The following ITGB6 variants were observed in gnomAD, a reference collection of about 807,000 sequenced individuals.
ITGB6 encodes the protein integrin beta-6.
Under a neutral mutation model 84.5 loss-of-function variants are expected in ITGB6, and 80 were observed. The ratio of observed to expected loss-of-function variants is 0.95; its 90% CI spans 0.79 to 1.14. ITGB6 has a LOEUF of 1.14. Ranked by LOEUF, ITGB6 falls within the 50% of genes most tolerant of loss-of-function variation. ITGB6 has a pLI of 0.00. For synonymous variants in ITGB6, 383 were observed against 354.9 expected (o/e 1.08, Z -0.89); for missense variants, 1,006 against 968.0 (o/e 1.04, Z -0.52).
At chr2:160,185,884 C>A (rs868696939) in intron 4 of ITGB6, among the ~76,000 whole-genome samples, 1 of 152,178 alleles carries the variant, frequency 6.6e-6, no homozygotes, top group African/African-American at 2.4e-5. Flanking sequence ...GGATTCCCTA[C>A]TTAATAAATG....
intron 1 of ITGB6, 73 bp downstream of exon 1, chr2:160,199,930 C>A: frequency 1.8e-6 from 2 of 1,131,026 alleles, no homozygotes; most frequent in South Asian, 1.3e-5. Flanking sequence ...GACTTCAGAT[C>A]TAGTTTCTGA....
chr2:160,173,808 T>C (rs902979979), intron 5 of ITGB6, among the ~76,000 whole-genome samples, 166 bp downstream of exon 5: 8 of 152,202 alleles, frequency 5.3e-5, no homozygotes, highest in Non-Finnish European at 8.8e-5. Context: ...CATTTCAACA[T>C]GATTTAATTA....
At chr2:160,178,450 A>C (rs1204644327) in intron 4 of ITGB6, among the ~76,000 whole-genome samples, 1 of 152,198 alleles carries the variant, frequency 6.6e-6, no homozygotes, top group African/African-American at 2.4e-5. Context: ...TTTTTGTGAG[A>C]GATTTGCATC....
intron 7 of ITGB6, among the ~76,000 whole-genome samples, chr2:160,163,082 C>T (rs1313427410): frequency 6.6e-6 from 1 of 152,160 alleles, no homozygotes; most frequent in Non-Finnish European, 1.5e-5. Flanking sequence ...TGACCCAATG[C>T]ATAGTGTTCC....
intron 7 of ITGB6, among the ~76,000 whole-genome samples, chr2:160,144,167 T>C (rs1202270512): frequency 3.3e-5 from 5 of 152,122 alleles, no homozygotes; most frequent in Non-Finnish European, 7.4e-5. Flanking sequence ...CCTTCCAAAG[T>C]GTTGGGATTA....
chr2:160,169,242 A>G lies in ITGB6; in HGVS notation c.987T>C (p.Ala329=). The G allele has an allele frequency of 1.2e-6, 2 of 1,604,274 alleles. No homozygotes were observed. The highest frequency in any genetic ancestry group is 2.2e-5 in the East Asian group (1 of 44,720). The part of the protein sequence containing the change: ...LVQNNVLLIF[A]VTQEQVHLYE... ...ATAAATGAACTTGTTCTTGGGTTAC[A>G]GCGAAGATCAATAACACGTTGTTTT... The change falls in exon 7 of 15, where the codon GCT becomes GCC. Residue 329 remains alanine (A), a synonymous_variant. Transcript: ENST00000283249.
chr2:160,129,006 G>A (rs1404801805), intron 10 of ITGB6, among the ~76,000 whole-genome samples: 1 of 152,046 alleles, frequency 6.6e-6, no homozygotes, highest in Non-Finnish European at 1.5e-5. Flanking sequence ...AGGGCAAGCA[G>A]GTAGAGTGAG....
rs139531879 is a variant in ITGB6 at position 160,122,628 on chromosome 2, G to A, written c.1981+1163C>T. On this transcript the variant is annotated intron_variant, in intron 12 of 14. Transcript: ENST00000283249. ...CTCGCCTTTGGTAGTAATGTAAGGC[G>A]CACACCATTTTGTCCAATTTACTGC... is the stretch of plus-strand genomic sequence containing the variant. Among the ~76,000 whole-genome samples the A allele has an allele frequency of 3.5e-4, 53 of 152,222 alleles. No individual in the cohort carries two copies. In the East Asian group the frequency reaches 4.4e-3, roughly 13 times the overall value.
rs889943302 is a variant in ITGB6 at position 160,146,481 on chromosome 2, T to C, written c.1018-4410A>G. On this transcript the variant is annotated intron_variant, in intron 7 of 14. Coordinates refer to ENST00000283249, the MANE Select transcript of ITGB6 (RefSeq NM_000888.5). ...TATTAACCAACATCAATGTTTCTAA[T>C]CTGGAAATAGACTTACTATATGTAT... Among the ~76,000 whole-genome samples, 27 of 152,174 alleles carry C rather than the reference T, an allele frequency of 1.8e-4. 1 individual carries two copies. The highest frequency in any genetic ancestry group is 1.7e-3 in the Admixed American group (26 of 15,274).
chr2:160,134,198 T>A (rs1683604974), intron 10 of ITGB6, among the ~76,000 whole-genome samples: 1 of 151,874 alleles, frequency 6.6e-6, no homozygotes, highest in African/African-American at 2.4e-5. Flanking sequence ...ATCAAATAGA[T>A]GCAACAAAAA....
chr2:160,126,709 A>G (rs1683260625), intron 10 of ITGB6, 108 bp from the exon 11 acceptor site: 2 of 1,059,352 alleles, frequency 1.9e-6, no homozygotes, highest in South Asian at 1.5e-5. Flanking sequence ...ATCAAAAGAC[A>G]AGAAAAAAAT....
intron 13 of ITGB6, 29 bp from the exon 14 acceptor site, chr2:160,107,874 G>A: frequency 1.3e-6 from 2 of 1,549,476 alleles, no homozygotes; most frequent in Non-Finnish European, 8.8e-7. Flanking sequence ...TTATAAGAAG[G>A]TGGTAAAATC....
intron 4 of ITGB6, among the ~76,000 whole-genome samples, chr2:160,194,917 C>T (rs1559236843): frequency 6.6e-6 from 1 of 151,888 alleles, no homozygotes. Context: ...CAAAGTATGT[C>T]AGAGAAAGTT....
At chr2:160,112,834 C>G (rs1682590802) in intron 12 of ITGB6, among the ~76,000 whole-genome samples, 1 of 150,904 alleles carries the variant, frequency 6.6e-6, no homozygotes, top group African/African-American at 2.4e-5. Flanking sequence ...TAAATCTTTT[C>G]CAAGTGGGAA....
chr2:160,155,690 C>A (rs903882293), intron 7 of ITGB6, among the ~76,000 whole-genome samples: 3 of 152,120 alleles, frequency 2.0e-5, no homozygotes, highest in African/African-American at 7.2e-5. Flanking sequence ...GAAGGAGGCA[C>A]TCAGTGGGAG....
rs1326345622 is a variant in ITGB6, at chr2:160,137,559, C to T, written c.1535G>A (p.Ser512Asn). ...CCCACAGTAGCAGTCACCCCTTCCG[C>T]TGCAGGAGGGATGATCTGGGGCCTC... ...CKEAPDHPSC[S>N]GRGDCYCGQC... The change falls in exon 10 of 15, where the codon AGC becomes AAC. Residue 512 changes from serine to asparagine, a missense_variant. By Grantham distance (46) the Ser-to-Asn change is conservative. Transcript: ENST00000283249. 1 of 1,614,244 alleles carries T rather than the reference C, an allele frequency of 6.2e-7. No individual in the cohort carries two copies.
chr2:160,195,733 T>C lies in ITGB6; in HGVS notation c.347-118A>G, dbSNP rs1399182470. ...CAATAAGAACTTACTGAAATACATA[T>C]GATTTTATTAACTGTGTGGTCAAGA... On this transcript the variant is annotated intron_variant, in intron 3 of 14. Coordinates refer to ENST00000283249, the MANE Select transcript of ITGB6 (RefSeq NM_000888.5). 7 of 1,116,032 alleles carry C rather than the reference T, an allele frequency of 6.3e-6. No homozygotes were observed. In the African/African-American group the frequency reaches 6.3e-5, roughly 10 times the overall value. 69.1% of individuals were successfully genotyped at this position (1,116,032 alleles called of 1,614,324 possible).
At chr2:160,153,266 G>T (rs911417681) in intron 7 of ITGB6, among the ~76,000 whole-genome samples, 3 of 152,104 alleles carry the variant, frequency 2.0e-5, no homozygotes, top group African/African-American at 7.2e-5. Flanking sequence ...CTGAACAGAG[G>T]CCTCAGAAAT....
intron 7 of ITGB6, among the ~76,000 whole-genome samples, chr2:160,150,494 T>C (rs1158411848): frequency 6.6e-6 from 1 of 152,204 alleles, no homozygotes; most frequent in Admixed American, 6.5e-5. Flanking sequence ...TACTAGCCAC[T>C]GCAAAAACTT....
Sources: allele counts gnomAD v4.1 joint callset (sites outside exome capture counted in the v4.1 genomes callset), GRCh38; gene constraint gnomAD v4.1.1; transcripts MANE v1.5; gene names NCBI Gene and HGNC (gene_info 2026-07-23, HGNC 2026-07-21).